NET1: variants seen among roughly 807,000 people sequenced by gnomAD.
NET1 encodes the protein neuroepithelial cell transforming 1, also known as neuroepithelial cell-transforming gene 1 protein.
A neutral mutation model predicts 61.1 loss-of-function variants in NET1; 42 were observed. The ratio of observed to expected loss-of-function variants is 0.69; its 90% CI spans 0.54 to 0.89. NET1 has a LOEUF of 0.89. NET1 is among the 40% of genes least tolerant of loss of function. NET1 has a pLI of 0.00. For missense variants in NET1, 654 were observed against 747.3 expected, an observed-to-expected ratio of 0.88 and a Z score of 1.46; for synonymous variants, 254 against 281.8, an observed-to-expected ratio of 0.90 and a Z score of 0.99.
rs534951495 is a variant in NET1 at position 5,437,624 on chromosome 10, T to C, written c.255+8395T>C. Among the ~76,000 whole-genome samples, 5 of 152,082 alleles carry C rather than the reference T, an allele frequency of 3.3e-5. No homozygotes were observed. The highest frequency in any genetic ancestry group is 1.3e-4 in the Admixed American group (2 of 15,246). ...ATACTTTTCTATCGGTTTATGATAA[T>C]ATTCATAACCGAGTACCCTTTTCAA... On this transcript the variant is annotated intron_variant, in intron 3 of 11. Transcript: ENST00000355029. The surrounding 1 kb of genome is among the most constrained non-coding windows in gnomAD (Gnocchi z 4.3).
At chr10:5,419,916 T>G (rs1294986625) in intron 1 of NET1, among the ~76,000 whole-genome samples, 1 of 152,138 alleles carries the variant, frequency 6.6e-6, no homozygotes, top group African/African-American at 2.4e-5. Flanking sequence ...ATAACAAGTG[T>G]TTTTTTCTCT....
At position 5,443,677 on chromosome 10, in the gene NET1, G is replaced by C. The variant is rs951265206; in HGVS notation, c.256-8153G>C. Among the ~76,000 whole-genome samples, 1 of 152,134 alleles carries C rather than the reference G, an allele frequency of 6.6e-6. No homozygotes were observed. Among genetic ancestry groups the C allele is most frequent in the Non-Finnish European group, 1.5e-5 (1 of 68,020 alleles). On this transcript the variant is annotated intron_variant, in intron 3 of 11. Coordinates refer to ENST00000355029, the MANE Select transcript of NET1 (RefSeq NM_001047160.3). The surrounding 1 kb of genome is among the most constrained non-coding windows in gnomAD (Gnocchi z 4.8). ...AAAATGAAACTAAGATTTTAGTGTT[G>C]GTGAGCTGGGGCTTTTGTGAACATG...
intron 3 of NET1, among the ~76,000 whole-genome samples, chr10:5,442,982 A>G (rs79383694): frequency 0.01 from 1,592 of 152,266 alleles, 55 homozygotes; most frequent in East Asian, 0.06. Context: ...TAAAAAGGCT[A>G]TAAGGCAGCT....
chr10:5,454,631 T>C lies in NET1; in HGVS notation c.1026+109T>C. On this transcript the variant is annotated intron_variant, in intron 9 of 11. Coordinates refer to ENST00000355029, the MANE Select transcript of NET1 (RefSeq NM_001047160.3). The surrounding 1 kb of genome is among the most constrained non-coding windows in gnomAD (Gnocchi z 8.1). ...TTCACATCAGCATAGTGAATTGTTTTGTTGTTTTAAGTACCCAGTGCGTTA... is the reference window on the plus strand; with the variant it reads ...TTCACATCAGCATAGTGAATTGTTTCGTTGTTTTAAGTACCCAGTGCGTTA... The C allele has an allele frequency of 1.5e-6, 2 of 1,366,250 alleles. No individual in the cohort carries two copies. The highest frequency in any genetic ancestry group is 2.0e-6 in the Non-Finnish European group (2 of 1,005,672). The allele number at this position is 1,366,250 out of a possible 1,614,324, so 84.6% of individuals were successfully genotyped here.
Position 5,412,775 on chromosome 10 carries a change from C to A in NET1, c.83C>A (p.Ala28Glu), listed in dbSNP as rs750418616. 22 of 1,461,306 alleles carry A rather than the reference C, an allele frequency of 1.5e-5. No individual in the cohort carries two copies. The highest frequency in any genetic ancestry group is 1.9e-5 in the Non-Finnish European group (21 of 1,110,474). The allele number at this position is 1,461,306 out of a possible 1,614,324, so 90.5% of individuals were successfully genotyped here. ...RRASGLSTEG[A>E]TGPSADTSGS... ...GCCTCTGGGCTCAGCACGGAGGGAG[C>A]GACGGGGCCTTCGGCCGACACCTCC... The change falls in exon 1 of 12, where the codon GCG becomes GAG. Residue 28 changes from alanine to glutamate, a missense_variant. Coordinates refer to ENST00000355029, the MANE Select transcript of NET1 (RefSeq NM_001047160.3). The surrounding 1 kb of genome is among the most constrained non-coding windows in gnomAD (Gnocchi z 6.5).
chr10:5,419,793 G>A (rs1033862336), intron 1 of NET1, among the ~76,000 whole-genome samples: 2 of 152,060 alleles, frequency 1.3e-5, no homozygotes, highest in Non-Finnish European at 2.9e-5. Flanking sequence ...GATAGTATAG[G>A]ATTCTTTGCT....
chr10:5,456,059 A>T lies in NET1; in HGVS notation c.1198-28A>T, dbSNP rs532308258. 2.7e-4 allele frequency: 426 copies of T among 1,591,814 alleles called. 3 individuals carry two copies. The South Asian group carries it at 4.1e-3, about 15-fold the overall frequency. On this transcript the variant is annotated intron_variant, in intron 10 of 11. Transcript: ENST00000355029. The surrounding 1 kb of genome is among the most constrained non-coding windows in gnomAD (Gnocchi z 7.0). Reference sequence around the variant, plus strand: ...AGTCACTTAAAAACACAAGTTTCCTATTTAGCGTTTGTTTCCCATTTCTCC... The same window carrying T: ...AGTCACTTAAAAACACAAGTTTCCTTTTTAGCGTTTGTTTCCCATTTCTCC...
Position 5,424,904 on chromosome 10 carries a change from A to G in NET1, c.129-1751A>G, listed in dbSNP as rs1832235139. Among the ~76,000 whole-genome samples the G allele has an allele frequency of 1.3e-5, 2 of 152,150 alleles. No homozygotes were observed. The highest frequency in any genetic ancestry group is 6.5e-5 in the Admixed American group (1 of 15,278). On this transcript the variant is annotated intron_variant, in intron 1 of 11. Transcript: ENST00000355029. This position sits in a 1 kb window ranked among gnomAD's most constrained non-coding sequence, Gnocchi z 6.1. ...GAGCCCCAGTCATCTTTTGTAAGCA[A>G]TATTAGAGCTGCCTCCCAACTGAGC...
chr10:5,444,301 A>G lies in NET1; in HGVS notation c.256-7529A>G, dbSNP rs1333737868. Among the ~76,000 whole-genome samples the G allele has an allele frequency of 2.0e-5, 3 of 152,262 alleles. No homozygotes were observed. The highest frequency in any genetic ancestry group is 4.4e-5 in the Non-Finnish European group (3 of 68,044). ...GATGAATTATTACCACATCTCGTGT[A>G]TAAAACACACATAGCTACAGAAGGG... On this transcript the variant is annotated intron_variant, in intron 3 of 11. Transcript: ENST00000355029. The surrounding 1 kb of genome is among the most constrained non-coding windows in gnomAD (Gnocchi z 5.3).
chr10:5,427,229 C>G lies in NET1; in HGVS notation c.195+508C>G, dbSNP rs1172570010. Among the ~76,000 whole-genome samples, 2 of 151,994 alleles carry G rather than the reference C, an allele frequency of 1.3e-5. No homozygotes were observed. Among genetic ancestry groups the G allele is most frequent in the African/African-American group, 2.4e-5 (1 of 41,406 alleles). On this transcript the variant is annotated intron_variant, in intron 2 of 11. Coordinates refer to ENST00000355029, the MANE Select transcript of NET1 (RefSeq NM_001047160.3). This position sits in a 1 kb window ranked among gnomAD's most constrained non-coding sequence, Gnocchi z 4.1. ...GTGAAGTGATAACAGAAAATTGATT[C>G]TTTTTGTACTTAAAACTTATTAGCT...
intron 3 of NET1, among the ~76,000 whole-genome samples, chr10:5,442,255 G>A (rs1336564333): frequency 2.0e-5 from 3 of 152,050 alleles, no homozygotes; most frequent in Admixed American, 1.3e-4. Context: ...CTCGTGTAGA[G>A]GGCAGCAGAG....
chr10:5,457,554 C>G lies in NET1; in HGVS notation c.*560C>G, dbSNP rs1479700935. ...ATGCTTTATATTAGTTTGTTTTTCA[C>G]TGTACATTCCTCATTTTACATTCAT... On this transcript the variant is annotated 3_prime_UTR_variant, in exon 12 of 12. Transcript: ENST00000355029. The surrounding 1 kb of genome is among the most constrained non-coding windows in gnomAD (Gnocchi z 5.4). The G allele has an allele frequency of 6.6e-6, 1 of 152,582 alleles. No homozygotes were observed. The highest frequency in any genetic ancestry group is 2.4e-5 in the African/African-American group (1 of 41,434). The allele number at this position is 152,582 out of a possible 1,614,324, so 9.5% of individuals were successfully genotyped here.
chr10:5,447,750 T>A lies in NET1; in HGVS notation c.256-4080T>A, dbSNP rs1588437260. ...CCGTCTTCAGGAAGTACACTTTTAT[T>A]TGGTGTGGTTTGGCTTTGGTTTTTG... On this transcript the variant is annotated intron_variant, in intron 3 of 11. Transcript: ENST00000355029. The surrounding 1 kb of genome is among the most constrained non-coding windows in gnomAD (Gnocchi z 4.1). 1.3e-5 allele frequency among the ~76,000 whole-genome samples: 2 copies of A among 152,334 alleles called. No homozygotes were observed. The highest frequency in any genetic ancestry group is 4.1e-4 in the South Asian group (2 of 4,828).
rs766786795 is a variant in NET1 at position 5,446,740 on chromosome 10, A to G, written c.256-5090A>G. 1 of 1,578,520 alleles carries G rather than the reference A, an allele frequency of 6.3e-7. No individual in the cohort carries two copies. Among genetic ancestry groups the G allele is most frequent in the Non-Finnish European group, 8.6e-7 (1 of 1,158,664 alleles). On this transcript the variant is annotated intron_variant, in intron 3 of 11. Transcript: ENST00000355029. This position sits in a 1 kb window ranked among gnomAD's most constrained non-coding sequence, Gnocchi z 5.0. ...GCTGACTCGGTGTGGATTGATTGGA[A>G]AGGTTTGAGGGAGTACTTGGGAAGC...
rs1468244124 is a variant in NET1, at chr10:5,457,706, G to A, written c.*712G>A. 2 of 152,040 alleles carry A rather than the reference G, an allele frequency of 1.3e-5. No homozygotes were observed. The highest frequency in any genetic ancestry group is 2.9e-5 in the Non-Finnish European group (2 of 67,924). The allele number at this position is 152,040 out of a possible 1,614,324, so 9.4% of individuals were successfully genotyped here. ...TATTTTTCTTCCTGATTAAAAATGT[G>A]TGTGTATGTGTGTGTGTGTGTGTAT... On this transcript the variant is annotated 3_prime_UTR_variant, in exon 12 of 12. Coordinates refer to ENST00000355029, the MANE Select transcript of NET1 (RefSeq NM_001047160.3). This position sits in a 1 kb window ranked among gnomAD's most constrained non-coding sequence, Gnocchi z 5.4.
In NET1 at chr10:5,423,315, A is replaced by C. The variant is rs943235353; in HGVS notation, c.129-3340A>C. ...GGCATGATGGAGGAGGTGGTGACAC[A>C]AATCAGAAACTCTGAAAACATAATT... On this transcript the variant is annotated intron_variant, in intron 1 of 11. Coordinates refer to ENST00000355029, the MANE Select transcript of NET1 (RefSeq NM_001047160.3). The surrounding 1 kb of genome is among the most constrained non-coding windows in gnomAD (Gnocchi z 4.4). Among the ~76,000 whole-genome samples the C allele has an allele frequency of 2.6e-5, 4 of 152,230 alleles. No homozygotes were observed. In the East Asian group the frequency reaches 7.7e-4, roughly 29 times the overall value.
At position 5,415,936 on chromosome 10, in the gene NET1, G is replaced by A. The variant is rs1832075310; in HGVS notation, c.128+3116G>A. Among the ~76,000 whole-genome samples the A allele has an allele frequency of 6.6e-6, 1 of 152,156 alleles. No individual in the cohort carries two copies. The highest frequency in any genetic ancestry group is 2.1e-4 in the South Asian group (1 of 4,826). ...GTCTATTTTTGCTTTTGTTGCCTGT[G>A]TTTTGGTGTCACATCCAAGAAATCA... On this transcript the variant is annotated intron_variant, in intron 1 of 11. Transcript: ENST00000355029. The surrounding 1 kb of genome is among the most constrained non-coding windows in gnomAD (Gnocchi z 4.7).
rs762318988 is a variant in NET1 at position 5,456,595 on chromosome 10, T to C, written c.1392T>C (p.Asn464=). 42 of 1,524,750 alleles carry C rather than the reference T, an allele frequency of 2.8e-5. No homozygotes were observed. Among genetic ancestry groups the C allele is most frequent in the Non-Finnish European group, 3.3e-5 (38 of 1,137,898 alleles). The allele number at this position is 1,524,750 out of a possible 1,614,324, so 94.5% of individuals were successfully genotyped here. Residue 464 remains asparagine, a synonymous_variant, in exon 12 of 12, where the codon AAT becomes AAC. Coordinates refer to ENST00000355029, the MANE Select transcript of NET1 (RefSeq NM_001047160.3). The surrounding 1 kb of genome is among the most constrained non-coding windows in gnomAD (Gnocchi z 7.0). ...GAFSNSEKAK[N]IFRIRFHDPS... The stretch of plus-strand genomic sequence containing the variant: ...TCCAATTTTTTTTTTCAGCTAAAAA[T>C]ATCTTTAGAATTCGCTTCCATGACC...
intron 3 of NET1, among the ~76,000 whole-genome samples, chr10:5,448,618 A>G (rs571931774): frequency 5.3e-4 from 80 of 149,882 alleles, no homozygotes; most frequent in Middle Eastern, 3.5e-3. Flanking sequence ...CAGAAAATTC[A>G]TTGAGCATGT....
Sources: allele counts gnomAD v4.1 joint callset (sites outside exome capture counted in the v4.1 genomes callset), GRCh38; gene constraint gnomAD v4.1.1; non-coding constraint Gnocchi (gnomAD v3.1); transcripts MANE v1.5; gene names NCBI Gene and HGNC (gene_info 2026-07-23, HGNC 2026-07-21).